NYAP2: variants seen among roughly 807,000 people sequenced by gnomAD.
The protein encoded by NYAP2 is neuronal tyrosine-phosphorylated phosphoinositide-3-kinase adapter 2.
In NYAP2, 23 loss-of-function variants were observed where a neutral mutation model predicts 50.4. The observed-to-expected ratio is 0.46, with a 90% confidence interval of 0.33 to 0.65. NYAP2 has a LOEUF of 0.65. NYAP2 is among the 30% of genes least tolerant of loss of function. The probability of loss-of-function intolerance (pLI) is 0.02; values close to 1 mark genes in which losing one functional copy is unlikely to be tolerated. For missense variants in NYAP2, 885 were observed against 861.0 expected (o/e 1.03, Z -0.35); for synonymous variants, 394 against 365.2 (o/e 1.08, Z -0.90).
intron 3 of NYAP2, among the ~76,000 whole-genome samples, chr2:225,428,955 A>G (rs1364175780): frequency 6.6e-6 from 1 of 152,240 alleles, no homozygotes. Context: ...AACATATCCT[A>G]TAAATTCTTT....
At chr2:225,682,153 A>G in the NYAP2 span, among the ~76,000 whole-genome samples, 3 of 152,180 alleles carry the variant, frequency 2.0e-5, no homozygotes, top group Non-Finnish European at 4.4e-5. Flanking sequence ...CATTGGTATC[A>G]TTAGAGAAAG....
In NYAP2 at chr2:225,638,156, T is replaced by TTGTGTGTGTG. The variant is rs146481098; in HGVS notation, c.1828+11057_1828+11066dup. Among the ~76,000 whole-genome samples, 307 of 135,302 alleles carry TTGTGTGTGTG rather than the reference T, an allele frequency of 2.3e-3. 3 individuals carry two copies. Among genetic ancestry groups the TTGTGTGTGTG allele is most frequent in the South Asian group, 9.3e-3 (35 of 3,770 alleles). The allele number at this position is 135,302 out of a possible 152,430, so 88.8% of individuals were successfully genotyped here. ...GAGAATTTTAAACAGACTCGTGTGT[T>TTGTGTGTGTG]TGTGTGTGTGTGTGTGTGTGTGTGT... On this transcript the variant is annotated intron_variant, in intron 6 of 6. Transcript: ENST00000636099.
chr2:225,477,296 G>A (rs140553006), intron 3 of NYAP2, among the ~76,000 whole-genome samples: 113 of 139,906 alleles, frequency 8.1e-4, no homozygotes, highest in African/African-American at 2.9e-3. Flanking sequence ...GACTGCAGTG[G>A]CACTATCTCA....
intron 3 of NYAP2, among the ~76,000 whole-genome samples, chr2:225,465,783 G>A (rs779198734): frequency 2.0e-5 from 3 of 152,166 alleles, no homozygotes; most frequent in Non-Finnish European, 4.4e-5. Context: ...GACATGTCAG[G>A]TGTCCCATGA....
intron 4 of NYAP2, among the ~76,000 whole-genome samples, chr2:225,527,513 A>G (rs1222712128): frequency 6.6e-6 from 1 of 152,180 alleles, no homozygotes; most frequent in African/African-American, 2.4e-5. Context: ...TTATGCTGTT[A>G]TAGAACATGC....
chr2:225,624,766 C>G (rs1356646942), intron 5 of NYAP2, among the ~76,000 whole-genome samples: 2 of 151,894 alleles, frequency 1.3e-5, no homozygotes, highest in Admixed American at 6.6e-5. Context: ...ATATTTTAAA[C>G]TGTAGAATAT....
chr2:225,432,144 ATTTTTTTTTTTT>A (rs751205603), intron 3 of NYAP2, among the ~76,000 whole-genome samples: 276 of 119,528 alleles, frequency 2.3e-3, no homozygotes, highest in African/African-American at 8.4e-3. Context: ...CGCCCGCCTA[ATTTTTTTTTTTT>A]TTTTTTTTTT....
the NYAP2 span, among the ~76,000 whole-genome samples, chr2:225,693,878 T>G: frequency 6.6e-6 from 1 of 152,018 alleles, no homozygotes; most frequent in South Asian, 2.1e-4. Context: ...CACACTGTAC[T>G]TTTTAGGAAG....
intron 3 of NYAP2, among the ~76,000 whole-genome samples, chr2:225,414,175 T>C (rs1218723014): frequency 2.0e-5 from 3 of 152,204 alleles, no homozygotes; most frequent in Admixed American, 1.3e-4. Flanking sequence ...ACCTTTCTCA[T>C]ACCTTCACTT....
chr2:225,553,835 G>A (rs1691725021), intron 4 of NYAP2, among the ~76,000 whole-genome samples: 1 of 152,006 alleles, frequency 6.6e-6, no homozygotes, highest in Non-Finnish European at 1.5e-5. Context: ...TCAGGAGTTC[G>A]ACACCAGCCT....
At chr2:225,545,499 T>C (rs914845459) in intron 4 of NYAP2, among the ~76,000 whole-genome samples, 1 of 152,176 alleles carries the variant, frequency 6.6e-6, no homozygotes, top group Non-Finnish European at 1.5e-5. Flanking sequence ...AGTATGTCAA[T>C]TGCATTTTCA....
intron 4 of NYAP2, among the ~76,000 whole-genome samples, chr2:225,546,137 C>A (rs941201597): frequency 5.9e-5 from 9 of 152,164 alleles, no homozygotes; most frequent in African/African-American, 2.2e-4. Context: ...AGACCTGAAC[C>A]CAGCAGAGAA....
the NYAP2 span, among the ~76,000 whole-genome samples, chr2:225,697,935 G>T: frequency 2.0e-5 from 3 of 151,876 alleles, no homozygotes; most frequent in Non-Finnish European, 4.4e-5. Flanking sequence ...CACTTTGGGA[G>T]GCTGAGGCGG....
At chr2:225,534,547 A>T (rs1325683077) in intron 4 of NYAP2, among the ~76,000 whole-genome samples, 1 of 152,222 alleles carries the variant, frequency 6.6e-6, no homozygotes, top group African/African-American at 2.4e-5. Flanking sequence ...AGTATGTTGG[A>T]AGATGATCAG....
At chr2:225,550,030 A>G (rs1574672568) in intron 4 of NYAP2, among the ~76,000 whole-genome samples, 6 of 152,078 alleles carry the variant, frequency 3.9e-5, no homozygotes, top group African/African-American at 1.4e-4. Context: ...AGAGAGAAAA[A>G]AAAAGAAAAC....
chr2:225,431,395 T>C (rs745466545), intron 3 of NYAP2, among the ~76,000 whole-genome samples: 5 of 152,244 alleles, frequency 3.3e-5, no homozygotes, highest in African/African-American at 7.2e-5. Context: ...TTTGGGACTC[T>C]GCTTATCTAG....
intron 3 of NYAP2, among the ~76,000 whole-genome samples, chr2:225,494,393 A>G (rs1690464960): frequency 6.6e-6 from 1 of 152,240 alleles, no homozygotes; most frequent in Non-Finnish European, 1.5e-5. Context: ...AGAATGAATC[A>G]GTTGCCATGT....
At chr2:225,626,682 G>A (rs543939524) in intron 5 of NYAP2, among the ~76,000 whole-genome samples, 7 of 152,058 alleles carry the variant, frequency 4.6e-5, no homozygotes, top group South Asian at 2.1e-4. Context: ...AAGATTCGTC[G>A]AGGTACTCTT....
chr2:225,634,741 C>T (rs1241148576), intron 6 of NYAP2, among the ~76,000 whole-genome samples: 1 of 152,200 alleles, frequency 6.6e-6, no homozygotes, highest in African/African-American at 2.4e-5. Flanking sequence ...TGACACTTTA[C>T]ACACCCAAAC....
Sources: allele counts gnomAD v4.1 joint callset (sites outside exome capture counted in the v4.1 genomes callset), GRCh38; gene constraint gnomAD v4.1.1; transcripts MANE v1.5; gene names NCBI Gene and HGNC (gene_info 2026-07-23, HGNC 2026-07-21).